KLF12: variants seen among roughly 807,000 people sequenced by gnomAD.
KLF12 encodes the protein Krueppel-like factor 12.
In KLF12, 9 loss-of-function variants were observed where a neutral mutation model predicts 37.8. The observed-to-expected ratio is 0.24, with a 90% CI of 0.14 to 0.42. The LOEUF (loss-of-function observed/expected upper bound fraction) is 0.42, where lower values mean the gene tolerates loss of function less well. Among genes scored for constraint, KLF12 ranks in the 10% least tolerant of loss-of-function variants. KLF12 has a pLI of 1.00. For missense variants in KLF12, 411 were observed against 516.0 expected (o/e 0.80, Z 1.97); for synonymous variants, 208 against 202.1 (o/e 1.03, Z -0.25).
At chr13:74,224,973 A>G in the KLF12 span, among the ~76,000 whole-genome samples, 2 of 152,174 alleles carry the variant, frequency 1.3e-5, no homozygotes, top group Non-Finnish European at 2.9e-5. Flanking sequence ...TTTGCCCTTT[A>G]TTTGAACAGG....
intron 3 of KLF12, among the ~76,000 whole-genome samples, chr13:73,866,535 A>G (rs1719862333): frequency 6.6e-6 from 1 of 152,172 alleles, no homozygotes; most frequent in Non-Finnish European, 1.5e-5. Context: ...CAACAAAATG[A>G]CAGAACCAGA....
intron 3 of KLF12, among the ~76,000 whole-genome samples, chr13:73,912,545 C>T (rs1208505981): frequency 2.0e-5 from 3 of 152,030 alleles, no homozygotes; most frequent in Admixed American, 6.5e-5. Context: ...GACACATCTA[C>T]AAACTAAGGG....
chr13:73,835,849 A>G (rs1217827869), intron 4 of KLF12, among the ~76,000 whole-genome samples: 2 of 152,158 alleles, frequency 1.3e-5, no homozygotes, highest in Non-Finnish European at 2.9e-5. Context: ...AAAATCACTC[A>G]TTGTGAGCTA....
At chr13:74,179,660 T>C in the KLF12 span, among the ~76,000 whole-genome samples, 2 of 152,174 alleles carry the variant, frequency 1.3e-5, no homozygotes, top group African/African-American at 4.8e-5. Context: ...AAATTCTAGT[T>C]TTTCAGTGGC....
the KLF12 span, among the ~76,000 whole-genome samples, chr13:74,237,703 A>T: frequency 6.6e-6 from 1 of 152,070 alleles, no homozygotes; most frequent in African/African-American, 2.4e-5. Context: ...TCTTTGAAGC[A>T]ATTGTGAATG....
At chr13:74,220,458 T>C in the KLF12 span, among the ~76,000 whole-genome samples, 3 of 152,364 alleles carry the variant, frequency 2.0e-5, no homozygotes, top group South Asian at 2.1e-4. Flanking sequence ...TTTTGATATA[T>C]GTATACAAAG....
the KLF12 span, among the ~76,000 whole-genome samples, chr13:74,175,616 C>T: frequency 0.057 from 8,711 of 152,186 alleles, 779 homozygotes; most frequent in African/African-American, 0.19. Flanking sequence ...AAAGCTTGAG[C>T]CATCATTAAG....
rs1878403702 is a variant in KLF12 at position 74,133,782 on chromosome 13, C to T, written c.-75G>A. Among the ~76,000 whole-genome samples the T allele has an allele frequency of 6.6e-6, 1 of 151,284 alleles. No individual in the cohort carries two copies. The highest frequency in any genetic ancestry group is 2.4e-5 in the African/African-American group (1 of 41,210). ...GCAGGAGAAATTGTTTTCTTTCCCTCACACAGAGTCCCCCTCTCTCTCTCC... is the reference window on the plus strand; with the variant it reads ...GCAGGAGAAATTGTTTTCTTTCCCTTACACAGAGTCCCCCTCTCTCTCTCC... On this transcript the variant is annotated 5_prime_UTR_variant, in exon 1 of 8. Transcript: ENST00000377669.
the KLF12 span, among the ~76,000 whole-genome samples, chr13:74,149,237 T>A: frequency 6.6e-6 from 1 of 152,238 alleles, no homozygotes; most frequent in African/African-American, 2.4e-5. Context: ...TGCACTTAAC[T>A]GTAGATTTAT....
chr13:73,821,232 T>A (rs980190054), intron 4 of KLF12, among the ~76,000 whole-genome samples: 8 of 152,186 alleles, frequency 5.3e-5, no homozygotes, highest in African/African-American at 1.9e-4. Context: ...GCCTCTTTAT[T>A]GGTGAGCTTC....
chr13:73,707,725 C>T (rs990845906), intron 7 of KLF12, among the ~76,000 whole-genome samples: 5 of 152,120 alleles, frequency 3.3e-5, no homozygotes, highest in East Asian at 1.9e-4. Context: ...CAAGCACCTG[C>T]GAACAAAAGG....
rs778759106 is a variant in KLF12 at position 73,738,092 on chromosome 13, C to CATATATATATAT, written c.870-22579_870-22568dup. On this transcript the variant is annotated intron_variant, in intron 6 of 7. Coordinates refer to ENST00000377669, the MANE Select transcript of KLF12 (RefSeq NM_007249.5). The stretch of plus-strand genomic sequence containing the variant: ...ATACACACACATATATGTATGTGTA[C>CATATATATATAT]ATATATATATATATATATATATATA... Among the ~76,000 whole-genome samples, 21 of 116,736 alleles carry CATATATATATAT rather than the reference C, an allele frequency of 1.8e-4. No homozygotes were observed. In the East Asian group the frequency reaches 3.6e-3, roughly 20 times the overall value. 76.6% of individuals were successfully genotyped at this position (116,736 alleles called of 152,430 possible).
intron 5 of KLF12, among the ~76,000 whole-genome samples, chr13:73,804,306 G>GT (rs1882448072): frequency 2.0e-5 from 3 of 152,146 alleles, no homozygotes; most frequent in Non-Finnish European, 4.4e-5. Context: ...CATTCATTCT[G>GT]TATCTCCAGC....
chr13:74,144,332 T>G, the KLF12 span, among the ~76,000 whole-genome samples: 6 of 152,158 alleles, frequency 3.9e-5, no homozygotes, highest in Non-Finnish European at 7.3e-5. Flanking sequence ...TTACTGTGGG[T>G]CTCAGGACTT....
At chr13:73,738,106 TA>T (rs1325161609) in intron 6 of KLF12, among the ~76,000 whole-genome samples, 2 of 106,634 alleles carry the variant, frequency 1.9e-5, no homozygotes, top group African/African-American at 4.2e-5. Context: ...TATATATATA[TA>T]TATATATATA....
intron 5 of KLF12, among the ~76,000 whole-genome samples, chr13:73,808,398 T>C (rs1882757942): frequency 6.6e-6 from 1 of 152,144 alleles, no homozygotes; most frequent in South Asian, 2.1e-4. Context: ...AGAGTCAAGT[T>C]AATTAATGAA....
chr13:73,791,720 T>C (rs1231537969), intron 5 of KLF12, among the ~76,000 whole-genome samples: 1 of 152,166 alleles, frequency 6.6e-6, no homozygotes, highest in African/African-American at 2.4e-5. Flanking sequence ...ACCATTTATA[T>C]AAATTACCCC....
chr13:73,936,909 T>C (rs1461357479), intron 3 of KLF12, among the ~76,000 whole-genome samples: 2 of 152,174 alleles, frequency 1.3e-5, no homozygotes, highest in African/African-American at 4.8e-5. Flanking sequence ...CAGGATATTT[T>C]GGCCAGGCGC....
rs950925651 is a variant in KLF12, at chr13:73,693,769, A to G, written c.*1721T>C. The G allele has an allele frequency of 7.2e-5, 11 of 152,636 alleles. No individual in the cohort carries two copies. Among genetic ancestry groups the G allele is most frequent in the Non-Finnish European group, 1.6e-4 (11 of 68,028 alleles). 9.5% of individuals were successfully genotyped at this position (152,636 alleles called of 1,614,324 possible). A position where few individuals can be genotyped will look rare whatever the true frequency, so the allele number is the denominator to read the frequency against. ...CAAAGGTCTTTGTTGGAGACCTTTT[A>G]TATCTAAGCTATAAAAAATTCTAGC... On this transcript the variant is annotated 3_prime_UTR_variant, in exon 8 of 8. Transcript: ENST00000377669.
Sources: allele counts gnomAD v4.1 joint callset (sites outside exome capture counted in the v4.1 genomes callset), GRCh38; gene constraint gnomAD v4.1.1; transcripts MANE v1.5; gene names NCBI Gene and HGNC (gene_info 2026-07-23, HGNC 2026-07-21).